The following TMEM266 variants were observed in gnomAD, a reference collection of about 807,000 sequenced individuals.
The protein encoded by TMEM266 is Hv1 related protein 1.
Under a neutral mutation model 50.5 loss-of-function variants are expected in TMEM266, and 33 were observed. The ratio of observed to expected loss-of-function variants is 0.65; its 90% CI spans 0.50 to 0.87. The LOEUF is 0.87. Among genes scored for constraint, TMEM266 ranks in the 40% least tolerant of loss-of-function variants. TMEM266 has a pLI of 0.00. For synonymous variants in TMEM266, 310 were observed against 292.3 expected (o/e 1.06, Z -0.62); for missense variants, 655 against 695.1 (o/e 0.94, Z 0.65).
chr15:76,099,438 G>A (rs540761367), intron 1 of TMEM266, among the ~76,000 whole-genome samples: 3 of 152,208 alleles, frequency 2.0e-5, no homozygotes, highest in Non-Finnish European at 2.9e-5. Flanking sequence ...GAGATGAACC[G>A]GATACCTCAG....
At chr15:76,136,093 G>A (rs536193503) in intron 2 of TMEM266, among the ~76,000 whole-genome samples, 23 of 152,260 alleles carry the variant, frequency 1.5e-4, no homozygotes, top group Non-Finnish European at 2.6e-4. Flanking sequence ...ACAGGCATGC[G>A]CCACCACATC....
rs1158432614 is a variant in TMEM266 at position 76,161,139 on chromosome 15, CT to C, written c.456+973del. 1.3e-5 allele frequency among the ~76,000 whole-genome samples: 2 copies of C among 152,204 alleles called. No homozygotes were observed. Among genetic ancestry groups the C allele is most frequent in the Non-Finnish European group, 2.9e-5 (2 of 68,036 alleles). On this transcript the variant is annotated intron_variant, in intron 5 of 10. Transcript: ENST00000388942. This position sits in a 1 kb window ranked among gnomAD's most constrained non-coding sequence, Gnocchi z 4.1. ...CAGCGGGCCACTGTGTCACTCTACC[CT>C]TGAGTGTCCCATCCCTGCTATGGGT...
chr15:76,165,225 T>G (rs1187530316), intron 5 of TMEM266, among the ~76,000 whole-genome samples: 2 of 152,196 alleles, frequency 1.3e-5, no homozygotes, highest in African/African-American at 4.8e-5. Context: ...TTTGCTTCCC[T>G]TGGAAGAGAT....
intron 8 of TMEM266, among the ~76,000 whole-genome samples, chr15:76,185,821 C>G (rs1159936297): frequency 6.6e-6 from 1 of 152,220 alleles, no homozygotes; most frequent in Non-Finnish European, 1.5e-5. Flanking sequence ...CTTAACTGCA[C>G]TTACACTTCA....
chr15:76,129,995 G>A (rs562303867), intron 1 of TMEM266, among the ~76,000 whole-genome samples: 70 of 151,770 alleles, frequency 4.6e-4, no homozygotes, highest in African/African-American at 1.5e-3. Context: ...AGGCCAAGGC[G>A]GGAAGATTGC....
At chr15:76,115,950 T>G (rs541906294) in intron 1 of TMEM266, among the ~76,000 whole-genome samples, 28 of 152,148 alleles carry the variant, frequency 1.8e-4, no homozygotes, top group African/African-American at 6.7e-4. Flanking sequence ...GGAGCAGTGC[T>G]CAGCAGATGC....
intron 1 of TMEM266, among the ~76,000 whole-genome samples, chr15:76,121,606 G>A (rs1270457281): frequency 6.6e-6 from 1 of 152,060 alleles, no homozygotes; most frequent in Non-Finnish European, 1.5e-5. Flanking sequence ...TAGTAGAGGT[G>A]GGGTTTCACC....
At chr15:76,117,241 G>A (rs906984444) in intron 1 of TMEM266, among the ~76,000 whole-genome samples, 8 of 137,634 alleles carry the variant, frequency 5.8e-5, no homozygotes, top group African/African-American at 2.2e-4. Context: ...ATTTGACAGT[G>A]TGTACATTTT....
At chr15:76,149,223 C>T (rs769183523) in intron 3 of TMEM266, among the ~76,000 whole-genome samples, 6 of 152,218 alleles carry the variant, frequency 3.9e-5, no homozygotes, top group Non-Finnish European at 8.8e-5. Flanking sequence ...TGAGATTATG[C>T]ATCTCTTTAG....
chr15:76,175,337 C>T (rs1239005715), intron 7 of TMEM266: 1 of 507,974 alleles, frequency 2.0e-6, no homozygotes, highest in South Asian at 2.1e-5. Context: ...TGGGTTCTAG[C>T]ACTATGGAAA....
intron 7 of TMEM266, among the ~76,000 whole-genome samples, chr15:76,174,343 G>T (rs2038237328): frequency 1.3e-5 from 2 of 152,136 alleles, no homozygotes; most frequent in East Asian, 1.9e-4. Flanking sequence ...TAGAGGTCAG[G>T]AGTTTGAGAC....
rs5813821 is a variant in TMEM266 at position 76,153,134 on chromosome 15, CAA to C, written c.228-3460_228-3459del. Among the ~76,000 whole-genome samples the C allele has an allele frequency of 6.8e-6, 1 of 146,978 alleles. No homozygotes were observed. Among genetic ancestry groups the C allele is most frequent in the Non-Finnish European group, 1.5e-5 (1 of 66,500 alleles). ...TGATATGGTTAGTAAGTTTCTCTAA[CAA>C]AAAAAAAAAGAAGAAAAAAACGACA... is the stretch of plus-strand genomic sequence containing the variant. On this transcript the variant is annotated intron_variant, in intron 3 of 10. Transcript: ENST00000388942. The surrounding 1 kb of genome is among the most constrained non-coding windows in gnomAD (Gnocchi z 4.2).
chr15:76,065,472 C>A (rs544520756), intron 1 of TMEM266, among the ~76,000 whole-genome samples: 1 of 146,372 alleles, frequency 6.8e-6, no homozygotes, highest in African/African-American at 2.8e-5. Context: ...TCCTTCCTAG[C>A]GGTGTCCGTG....
intron 5 of TMEM266, among the ~76,000 whole-genome samples, chr15:76,163,570 T>G (rs1446973075): frequency 1.3e-5 from 2 of 152,110 alleles, no homozygotes; most frequent in African/African-American, 4.8e-5. Context: ...TGTGCAAACG[T>G]TCCTCCAAAG....
At chr15:76,200,295 G>C (rs567276222) in intron 9 of TMEM266, among the ~76,000 whole-genome samples, 3 of 152,114 alleles carry the variant, frequency 2.0e-5, no homozygotes, top group Non-Finnish European at 2.9e-5. Context: ...CAGTCCCTTC[G>C]CACTCCGCTG....
At chr15:76,192,486 C>G (rs1350722133) in intron 9 of TMEM266, among the ~76,000 whole-genome samples, 1 of 152,158 alleles carries the variant, frequency 6.6e-6, no homozygotes, top group African/African-American at 2.4e-5. Flanking sequence ...TGTTGTATGG[C>G]TGAAGAAACC....
Position 76,202,245 on chromosome 15 carries a change from T to C in TMEM266, c.1002T>C (p.Tyr334=). 2.5e-6 allele frequency: 4 copies of C among 1,613,914 alleles called. No homozygotes were observed. The highest frequency in any genetic ancestry group is 3.4e-6 in the Non-Finnish European group (4 of 1,179,842). The change falls in exon 10 of 11, where the codon TAT becomes TAC. Residue 334 remains tyrosine, a synonymous_variant. Transcript: ENST00000388942. ...ACATGAACAGCTACATCAGTCAGTATTACAATGGGCCCAGCAGTGGTAAGT... is the reference window on the plus strand; with the variant it reads ...ACATGAACAGCTACATCAGTCAGTACTACAATGGGCCCAGCAGTGGTAAGT...
intron 2 of TMEM266, among the ~76,000 whole-genome samples, chr15:76,134,541 T>G (rs2037561479): frequency 6.6e-6 from 1 of 152,230 alleles, no homozygotes; most frequent in Non-Finnish European, 1.5e-5. Flanking sequence ...AAAACCAGGC[T>G]TTATGAAACC....
intron 8 of TMEM266, among the ~76,000 whole-genome samples, chr15:76,190,247 C>G (rs2038547850): frequency 6.6e-6 from 1 of 152,192 alleles, no homozygotes; most frequent in African/African-American, 2.4e-5. Context: ...GAACGCGGCC[C>G]TGAGACCAGC....
Sources: gnomAD v4.1 joint callset for allele counts (sites outside exome capture counted in the v4.1 genomes callset) on GRCh38, gnomAD v4.1.1 for gene constraint, Gnocchi (gnomAD v3.1) non-coding constraint, MANE v1.5 for transcripts, NCBI Gene and HGNC (gene_info 2026-07-23, HGNC 2026-07-21) for gene names.